ABL2: variants seen among roughly 807,000 people sequenced by gnomAD.
ABL2 encodes the protein ABL proto-oncogene 2, non-receptor tyrosine kinase.
In ABL2, 49 loss-of-function variants were observed where a neutral mutation model predicts 107.7. That is an observed-to-expected ratio of 0.45 (90% CI 0.36 to 0.58). The LOEUF (loss-of-function observed/expected upper bound fraction) is 0.58. ABL2 is among the 20% of genes least tolerant of loss of function. ABL2 has a pLI of 0.00. For missense variants in ABL2, 1,245 were observed against 1,457.0 expected (o/e 0.85, Z 2.37); for synonymous variants, 549 against 548.6 (o/e 1.00, Z -0.01).
At chr1:179,119,893 A>G (rs1655019011) in intron 6 of ABL2, among the ~76,000 whole-genome samples, 1 of 152,226 alleles carries the variant, frequency 6.6e-6, no homozygotes, top group Non-Finnish European at 1.5e-5. Flanking sequence ...TTTTAAACAC[A>G]GAACCTACTG....
At chr1:179,226,278 T>C (rs1663203261) in intron 1 of ABL2, among the ~76,000 whole-genome samples, 1 of 151,050 alleles carries the variant, frequency 6.6e-6, no homozygotes, top group Non-Finnish European at 1.5e-5. Flanking sequence ...AGCCAGGTTC[T>C]AAATCCTGGT....
chr1:179,138,389 G>A (rs77615584), intron 1 of ABL2, among the ~76,000 whole-genome samples: 2,434 of 152,242 alleles, frequency 0.016, 65 homozygotes, highest in African/African-American at 0.055. Flanking sequence ...ACGAGCCACC[G>A]CGCCCAGCCT....
At position 179,120,284 on chromosome 1, in the gene ABL2, G is replaced by A; in HGVS notation, c.961-10C>T. On this transcript the variant is annotated splice_polypyrimidine_tract_variant and intron_variant, in intron 5 of 11. Coordinates refer to ENST00000502732, the MANE Select transcript of ABL2 (RefSeq NM_007314.4). ...CCTCCATGGTATCTTCCTAGAAAAA[G>A]GGAAAGGTAAGAAAGAAGAAAACGA... The A allele has an allele frequency of 6.3e-7, 1 of 1,583,858 alleles. No individual in the cohort carries two copies. The highest frequency in any genetic ancestry group is 8.6e-7 in the Non-Finnish European group (1 of 1,158,900).
intron 1 of ABL2, among the ~76,000 whole-genome samples, chr1:179,170,140 A>T (rs937960205): frequency 6.6e-6 from 1 of 152,182 alleles, no homozygotes; most frequent in South Asian, 2.1e-4. Context: ...CCATGGCAGG[A>T]GGCATCATAT....
rs1280633425 is a variant in ABL2, at chr1:179,144,322, T to C, written c.158-10948A>G. Reference sequence around the variant, plus strand: ...AAAAATACAAAAAATTAGCCCGGCATGGTGGCGGGCGCCTGTAGTCCCAGC... The same window carrying C: ...AAAAATACAAAAAATTAGCCCGGCACGGTGGCGGGCGCCTGTAGTCCCAGC... On this transcript the variant is annotated intron_variant, in intron 1 of 11. Transcript: ENST00000502732. 2.0e-5 allele frequency among the ~76,000 whole-genome samples: 3 copies of C among 151,862 alleles called. No individual in the cohort carries two copies. The East Asian group carries it at 5.9e-4, about 30-fold the overall frequency.
chr1:179,191,723 C>T (rs1661028115), intron 1 of ABL2, among the ~76,000 whole-genome samples: 1 of 152,108 alleles, frequency 6.6e-6, no homozygotes, highest in Non-Finnish European at 1.5e-5. Context: ...CTTGTCCGGC[C>T]TCTGAAATTA....
intron 1 of ABL2, among the ~76,000 whole-genome samples, chr1:179,145,366 T>C (rs1384614965): frequency 6.6e-6 from 1 of 152,216 alleles, no homozygotes; most frequent in Non-Finnish European, 1.5e-5. Context: ...CTTTTGTTTA[T>C]GTTATAGCTA....
intron 1 of ABL2, among the ~76,000 whole-genome samples, chr1:179,227,283 T>C (rs1663269256): frequency 6.6e-6 from 1 of 152,198 alleles, no homozygotes; most frequent in South Asian, 2.1e-4. Context: ...CCCAGGCAGG[T>C]GGAGCCAGAA....
chr1:179,213,955 A>T (rs1458054756), intron 1 of ABL2, among the ~76,000 whole-genome samples: 1 of 152,172 alleles, frequency 6.6e-6, no homozygotes, highest in Non-Finnish European at 1.5e-5. Flanking sequence ...AAAGAAAAAA[A>T]TTATCTAGAA....
At chr1:179,133,917 C>T (rs1656597123) in intron 1 of ABL2, among the ~76,000 whole-genome samples, 2 of 152,116 alleles carry the variant, frequency 1.3e-5, no homozygotes, top group African/African-American at 4.8e-5. Context: ...TATCTTAATA[C>T]TTTCTGACTG....
At position 179,112,365 on chromosome 1, in the gene ABL2, A is replaced by C; in HGVS notation, c.1595T>G (p.Phe532Cys). The C allele has an allele frequency of 6.2e-7, 1 of 1,613,934 alleles. No homozygotes were observed. Residue 532 changes from phenylalanine (F) to cysteine (C), a missense_variant, in exon 10 of 12, where the codon TTT becomes TGT. By Grantham distance (205) the Phe-to-Cys change is radical. This residue lies in a region of ABL2 where 320 missense variants were observed against 547.0 expected (regional missense o/e 0.59). Coordinates refer to ENST00000502732, the MANE Select transcript of ABL2 (RefSeq NM_007314.4). ...TTCAAAAGCTTGGTGTGTTTCAGCAAAAGAGGGCCTATCGGCAGGGCTCCA... is the reference window on the plus strand; with the variant it reads ...TTCAAAAGCTTGGTGTGTTTCAGCACAAGAGGGCCTATCGGCAGGGCTCCA... The part of the protein sequence containing the change: ...WKWSPADRPS[F>C]AETHQAFETM...
chr1:179,140,465 G>C (rs908962320), intron 1 of ABL2, among the ~76,000 whole-genome samples: 3 of 152,062 alleles, frequency 2.0e-5, no homozygotes, highest in African/African-American at 7.3e-5. Context: ...ACCAAACATA[G>C]TGTATAATTT....
intron 1 of ABL2, among the ~76,000 whole-genome samples, chr1:179,200,105 G>A (rs1023206214): frequency 1.4e-5 from 2 of 143,902 alleles, no homozygotes; most frequent in Non-Finnish European, 1.5e-5. Flanking sequence ...AGAGTGCAGT[G>A]GTACAGCCTT....
At chr1:179,133,406 T>G (rs1656534646) in intron 1 of ABL2, 32 bp from the exon 2 acceptor site, 1 of 1,614,034 alleles carries the variant, frequency 6.2e-7, no homozygotes, top group Non-Finnish European at 8.5e-7. Flanking sequence ...CACGTCACTT[T>G]TCTTAAGCTT....
intron 1 of ABL2, among the ~76,000 whole-genome samples, chr1:179,191,564 G>A (rs1222357255): frequency 2.6e-5 from 4 of 151,864 alleles, no homozygotes; most frequent in Admixed American, 2.6e-4. Context: ...GGGATTACAG[G>A]CATGTGCCAC....
In ABL2 at chr1:179,108,947, T is replaced by G. The variant is rs1653760867; in HGVS notation, c.2320A>C (p.Thr774Pro). 6.2e-7 allele frequency: 1 copy of G among 1,614,002 alleles called. No individual in the cohort carries two copies. The highest frequency in any genetic ancestry group is 1.3e-5 in the African/African-American group (1 of 74,904). ...RAGKPTASDD[T>P]SKPFPRSNST... ...TTTGACCTTGGAAAAGGCTTGGAAG[T>G]GTCATCACTGGCTGTGGGTTTACCT... The change falls in exon 12 of 12, where the codon ACT (threonine) becomes CCT (proline). Residue 774 changes from threonine (T) to proline (P), a missense_variant. Thr to Pro is a conservative substitution (Grantham distance 38). Transcript: ENST00000502732.
chr1:179,199,617 C>G (rs866646258), intron 1 of ABL2, among the ~76,000 whole-genome samples: 5 of 152,122 alleles, frequency 3.3e-5, no homozygotes, highest in Middle Eastern at 3.4e-3. Flanking sequence ...CTCAAACCAC[C>G]CTATGCAGCA....
chr1:179,146,336 G>A (rs1250392279), intron 1 of ABL2, among the ~76,000 whole-genome samples: 1 of 152,124 alleles, frequency 6.6e-6, no homozygotes, highest in Non-Finnish European at 1.5e-5. Context: ...AAGAGAGAAG[G>A]AGAAAATAAA....
At chr1:179,200,560 C>G (rs1661608058) in intron 1 of ABL2, among the ~76,000 whole-genome samples, 1 of 152,154 alleles carries the variant, frequency 6.6e-6, no homozygotes, top group Non-Finnish European at 1.5e-5. Context: ...CATATTCTAT[C>G]TCCCACCCCA....
Sources: gnomAD v4.1 joint callset for allele counts (sites outside exome capture counted in the v4.1 genomes callset) on GRCh38, gnomAD v4.1.1 for gene constraint, gnomAD v4.1.1 regional missense constraint, MANE v1.5 for transcripts, NCBI Gene and HGNC (gene_info 2026-07-23, HGNC 2026-07-21) for gene names.